CEP43: variants seen among roughly 807,000 people sequenced by gnomAD.
CEP43 encodes centrosomal protein 43.
Under a neutral mutation model 52.6 loss-of-function variants are expected in CEP43, and 36 were observed. The ratio of observed to expected loss-of-function variants is 0.68; its 90% CI spans 0.52 to 0.90. The LOEUF (loss-of-function observed/expected upper bound fraction) is 0.90. CEP43 is among the 40% of genes least tolerant of loss of function. The pLI is 0.00. For missense variants in CEP43, 506 were observed against 472.8 expected (o/e 1.07, Z -0.65); for synonymous variants, 192 against 172.4 (o/e 1.11, Z -0.89).
In CEP43 at chr6:167,044,070, A is replaced by G. The variant is rs1014481143; in HGVS notation, c.*4092A>G. 2 of 152,210 alleles carry G rather than the reference A, an allele frequency of 1.3e-5. No homozygotes were observed. Among genetic ancestry groups the G allele is most frequent in the Admixed American group, 6.5e-5 (1 of 15,284 alleles). 9.4% of individuals were successfully genotyped at this position (152,210 alleles called of 1,614,324 possible). A position where few individuals can be genotyped will look rare whatever the true frequency, so the allele number is the denominator to read the frequency against. On this transcript the variant is annotated 3_prime_UTR_variant, in exon 13 of 13. Coordinates refer to ENST00000366847, the MANE Select transcript of CEP43 (RefSeq NM_007045.4). ...AGGACACAGTGAGGAGGTGTTGCCT[A>G]TGAGGAAACAGGCCCTCCCAGATGG...
In CEP43 at chr6:167,044,110, C is replaced by G. The variant is rs2114857114; in HGVS notation, c.*4132C>G. On this transcript the variant is annotated 3_prime_UTR_variant, in exon 13 of 13. Coordinates refer to ENST00000366847, the MANE Select transcript of CEP43 (RefSeq NM_007045.4). Reference sequence around the variant, plus strand: ...CTCCCAGATGGTGAACCTGCCGGTACCTTGATCTTGGACTTAAGCCATCTG... The same window carrying G: ...CTCCCAGATGGTGAACCTGCCGGTAGCTTGATCTTGGACTTAAGCCATCTG... 6.6e-6 allele frequency: 1 copy of G among 152,268 alleles called. No individual in the cohort carries two copies. Among genetic ancestry groups the G allele is most frequent in the Non-Finnish European group, 1.5e-5 (1 of 68,080 alleles). 9.4% of individuals were successfully genotyped at this position (152,268 alleles called of 1,614,324 possible). A position where few individuals can be genotyped will look rare whatever the true frequency, so the allele number is the denominator to read the frequency against.
At chr6:167,028,567 A>G (rs1780401682) in intron 10 of CEP43, 1 of 898,924 alleles carries the variant, frequency 1.1e-6, no homozygotes, top group Non-Finnish European at 1.3e-6. Flanking sequence ...TATTTTGAGT[A>G]ATATGTAGAC....
At chr6:167,032,864 T>G (rs1780500778) in intron 11 of CEP43, among the ~76,000 whole-genome samples, 1 of 152,158 alleles carries the variant, frequency 6.6e-6, no homozygotes, top group African/African-American at 2.4e-5. Flanking sequence ...CACATTATGT[T>G]CAGGAAACTT....
intron 4 of CEP43, 38 bp downstream of exon 4, chr6:167,003,849 T>G: frequency 8.0e-7 from 1 of 1,254,138 alleles, no homozygotes; most frequent in Non-Finnish European, 1.2e-6. Flanking sequence ...TTTTGAAACC[T>G]TTGATACAAA....
chr6:167,027,852 T>TC, intron 10 of CEP43: 1 of 985,422 alleles, frequency 1.0e-6, no homozygotes, highest in Non-Finnish European at 1.2e-6. Flanking sequence ...ACGTTACTTT[T>TC]CCCCCCATTT....
chr6:167,036,202 C>A (rs1450121646), intron 12 of CEP43: 1 of 985,200 alleles, frequency 1.0e-6, no homozygotes, highest in African/African-American at 1.7e-5. Flanking sequence ...AATATTTGAC[C>A]GGGATTTTGA....
rs974522318 is a variant in CEP43, at chr6:167,019,189, C to T, written c.580-3220C>T. ...TCCACTTTGTGATATTTTCACTTGA[C>T]GGTTGATGAGGTGAAGCGCTGTTGT... On this transcript the variant is annotated intron_variant, in intron 7 of 12. Coordinates refer to ENST00000366847, the MANE Select transcript of CEP43 (RefSeq NM_007045.4). 5.9e-5 allele frequency among the ~76,000 whole-genome samples: 9 copies of T among 152,306 alleles called. No individual in the cohort carries two copies. The Middle Eastern group carries it at 0.01, about 173-fold the overall frequency.
chr6:167,026,394 G>A (rs919110311), intron 9 of CEP43, among the ~76,000 whole-genome samples, 153 bp from the exon 10 acceptor site: 15 of 152,158 alleles, frequency 9.9e-5, no homozygotes, highest in African/African-American at 2.9e-4. Context: ...TAGCTTAAGC[G>A]TTCATTAATC....
Position 167,047,969 on chromosome 6 carries a change from C to A in CEP43, c.*7991C>A, listed in dbSNP as rs1780823508. ...AAAAACAACAATTCTTAGTATACCA[C>A]AGACTGTGGTGCCTAGGAATAACAG... On this transcript the variant is annotated 3_prime_UTR_variant, in exon 13 of 13. Coordinates refer to ENST00000366847, the MANE Select transcript of CEP43 (RefSeq NM_007045.4). The A allele has an allele frequency of 6.6e-6, 1 of 152,190 alleles. No individual in the cohort carries two copies. Among genetic ancestry groups the A allele is most frequent in the African/African-American group, 2.4e-5 (1 of 41,446 alleles). 9.4% of individuals were successfully genotyped at this position (152,190 alleles called of 1,614,324 possible).
chr6:167,003,223 A>G lies in CEP43; in HGVS notation c.187A>G (p.Lys63Glu). ...NKTPLVNESL[K>E]KFLNTKDGRL... ...AACTCCTTTAGTTAATGAGAGCCTG[A>G]AAAAGTTTTTAAATACCAAAGACGG... Residue 63 changes from lysine to glutamate, a missense_variant, in exon 3 of 13, where the codon AAA becomes GAA. Transcript: ENST00000366847. The G allele has an allele frequency of 6.6e-7, 1 of 1,507,942 alleles. No individual in the cohort carries two copies. Among genetic ancestry groups the G allele is most frequent in the Non-Finnish European group, 9.0e-7 (1 of 1,113,244 alleles). The allele number at this position is 1,507,942 out of a possible 1,614,324, so 93.4% of individuals were successfully genotyped here.
At chr6:166,999,624 C>T in intron 1 of CEP43, 110 bp downstream of exon 1, 2 of 779,594 alleles carry the variant, frequency 2.6e-6, no homozygotes, top group Non-Finnish European at 3.6e-6. Flanking sequence ...GGGACCGGGG[C>T]CGGCGGGCAC....
intron 7 of CEP43, among the ~76,000 whole-genome samples, chr6:167,014,726 T>A (rs16899777): frequency 0.02 from 3,092 of 152,354 alleles, 53 homozygotes; most frequent in East Asian, 0.092. Context: ...AAACAAGAAG[T>A]TGCTTTAAAA....
At chr6:167,020,668 G>A (rs1329038935) in intron 7 of CEP43, among the ~76,000 whole-genome samples, 2 of 152,176 alleles carry the variant, frequency 1.3e-5, no homozygotes, top group East Asian at 3.9e-4. Flanking sequence ...CAGCACTTTG[G>A]GAGGCCGAGG....
In CEP43 at chr6:167,046,515, T is replaced by C. The variant is rs969472644; in HGVS notation, c.*6537T>C. 9.2e-5 allele frequency: 14 copies of C among 152,242 alleles called. No homozygotes were observed. The highest frequency in any genetic ancestry group is 2.9e-5 in the Non-Finnish European group (2 of 68,044). 9.4% of individuals were successfully genotyped at this position (152,242 alleles called of 1,614,324 possible). On this transcript the variant is annotated 3_prime_UTR_variant, in exon 13 of 13. Transcript: ENST00000366847. ...AAACTACAGGCTTGGAAATGGAATT[T>C]CTTAGCCTAATTTCTAAATTAGAAC...
At chr6:167,038,892 C>T (rs941338092) in intron 12 of CEP43, among the ~76,000 whole-genome samples, 1 of 152,038 alleles carries the variant, frequency 6.6e-6, no homozygotes, top group Non-Finnish European at 1.5e-5. Context: ...GATTTTGGTG[C>T]ACCCATCACC....
chr6:167,031,356 T>C (rs1055488022), intron 10 of CEP43, among the ~76,000 whole-genome samples: 1 of 152,240 alleles, frequency 6.6e-6, no homozygotes, highest in Non-Finnish European at 1.5e-5. Context: ...CTTGGAGTTC[T>C]TCCCAATTGC....
chr6:167,031,128 C>T (rs973034134), intron 10 of CEP43, among the ~76,000 whole-genome samples: 1 of 152,024 alleles, frequency 6.6e-6, no homozygotes, highest in Non-Finnish European at 1.5e-5. Context: ...TGCAATGTTG[C>T]CCAGGCTGGT....
chr6:167,012,083 C>T (rs1248820724), intron 6 of CEP43, among the ~76,000 whole-genome samples: 2 of 152,112 alleles, frequency 1.3e-5, no homozygotes, highest in South Asian at 2.1e-4. Context: ...GGTGGTGGAT[C>T]GACTCTCAGA....
intron 7 of CEP43, 126 bp from the exon 8 acceptor site, chr6:167,022,276 ACACACAC>A: frequency 1.6e-6 from 1 of 628,810 alleles, no homozygotes; most frequent in South Asian, 2.0e-5. Flanking sequence ...ACACACACAC[ACACACAC>A]ACACACACAC....
Sources: gnomAD v4.1 joint callset for allele counts (sites outside exome capture counted in the v4.1 genomes callset) on GRCh38, gnomAD v4.1.1 for gene constraint, MANE v1.5 for transcripts, NCBI Gene and HGNC (gene_info 2026-07-23, HGNC 2026-07-21) for gene names.